CRB1: variants seen among roughly 807,000 people sequenced by gnomAD.
CRB1 encodes protein crumbs homolog 1.
Under a neutral mutation model 120.0 loss-of-function variants are expected in CRB1, and 83 were observed. The ratio of observed to expected loss-of-function variants is 0.69; its 90% confidence interval spans 0.58 to 0.83. The LOEUF (loss-of-function observed/expected upper bound fraction) is 0.83, where lower values mean the gene tolerates loss of function less well. Ranked by LOEUF, CRB1 falls within the 40% of genes least tolerant of loss-of-function variation. The pLI, the probability that CRB1 is intolerant of heterozygous loss-of-function variation, is 0.00. For missense variants in CRB1, 1,699 were observed against 1,687.6 expected (o/e 1.01, Z -0.12); for synonymous variants, 625 against 612.5 (o/e 1.02, Z -0.30).
intron 1 of CRB1, among the ~76,000 whole-genome samples, chr1:197,307,750 G>C (rs576169045): frequency 6.6e-6 from 1 of 152,306 alleles, no homozygotes; most frequent in East Asian, 1.9e-4. Flanking sequence ...GAGGTATTAC[G>C]ATGCAGTAGG....
chr1:197,462,802 G>T (rs76009651), intron 11 of CRB1, among the ~76,000 whole-genome samples: 7,029 of 152,148 alleles, frequency 0.046, 240 homozygotes, highest in Non-Finnish European at 0.07. Flanking sequence ...CTTGTTAACA[G>T]GAATTACAAT....
At chr1:197,255,965 TTATATA>T in the CRB1 span, among the ~76,000 whole-genome samples, 3,171 of 85,328 alleles carry the variant, frequency 0.037, 164 homozygotes, top group African/African-American at 0.099. Flanking sequence ...ATAGAACATT[TTATATA>T]TATATATATA....
chr1:197,211,779 TCAA>T, the CRB1 span, among the ~76,000 whole-genome samples: 1 of 151,016 alleles, frequency 6.6e-6, no homozygotes, highest in African/African-American at 2.4e-5. Context: ...AATTAAAGAA[TCAA>T]CAAATTGAAA....
intron 4 of CRB1, among the ~76,000 whole-genome samples, chr1:197,355,262 G>A (rs1352058872): frequency 6.6e-6 from 1 of 152,208 alleles, no homozygotes; most frequent in African/African-American, 2.4e-5. Context: ...GACACAGGGT[G>A]CTGATTGGTG....
intron 1 of CRB1, among the ~76,000 whole-genome samples, chr1:197,306,135 G>T (rs1657160621): frequency 6.6e-6 from 1 of 152,054 alleles, no homozygotes; most frequent in South Asian, 2.1e-4. Flanking sequence ...AAGCAGGGTA[G>T]GGCACATACA....
At chr1:197,263,807 T>C (rs999884971), upstream of CRB1, among the ~76,000 whole-genome samples, 40 of 152,242 alleles carry the variant, frequency 2.6e-4, no homozygotes, top group Middle Eastern at 6.8e-3. Flanking sequence ...ATCTATCTTC[T>C]GTTTAGTATA....
chr1:197,226,702 T>C, the CRB1 span, among the ~76,000 whole-genome samples: 1 of 152,158 alleles, frequency 6.6e-6, no homozygotes, highest in South Asian at 2.1e-4. Context: ...AGGAAGGCCA[T>C]GTGAGGTTGT....
At chr1:197,405,039 G>A (rs1370693049) in intron 5 of CRB1, among the ~76,000 whole-genome samples, 2 of 143,392 alleles carry the variant, frequency 1.4e-5, no homozygotes, top group Admixed American at 7.0e-5. Context: ...TAATGTGCTC[G>A]CCCTCGCCCT....
intron 1 of CRB1, among the ~76,000 whole-genome samples, chr1:197,286,332 T>C (rs1036178984): frequency 2.0e-5 from 3 of 151,888 alleles, no homozygotes; most frequent in Admixed American, 2.0e-4. Context: ...TCCTGCAATG[T>C]ACCTGTTATC....
chr1:197,240,694 T>C, the CRB1 span, among the ~76,000 whole-genome samples: 1 of 152,206 alleles, frequency 6.6e-6, no homozygotes, highest in East Asian at 1.9e-4. Context: ...TGTGTCTTTA[T>C]AGTAGAATGA....
At position 197,468,408 on chromosome 1, in the gene CRB1, A is replaced by T. The variant is rs78811021; in HGVS notation, c.4006-9256A>T. Among the ~76,000 whole-genome samples, 107 of 151,798 alleles carry T rather than the reference A, an allele frequency of 7.0e-4. No homozygotes were observed. In the East Asian group the frequency reaches 0.02, roughly 28 times the overall value. ...ATATGCTGTCTGAAAGTTTGAAGGC[A>T]TTCGGTAATAATTTGTTGAGTAAGT... On this transcript the variant is annotated intron_variant, in intron 11 of 11. Coordinates refer to ENST00000367400, the MANE Select transcript of CRB1 (RefSeq NM_201253.3).
chr1:197,460,417 G>A (rs917635258), intron 11 of CRB1, among the ~76,000 whole-genome samples: 2 of 152,048 alleles, frequency 1.3e-5, no homozygotes, highest in African/African-American at 4.8e-5. Context: ...GATTAAAAAA[G>A]CAGACCCTTC....
chr1:197,436,770 A>G (rs1027390214), intron 9 of CRB1, among the ~76,000 whole-genome samples: 2 of 152,166 alleles, frequency 1.3e-5, no homozygotes, highest in South Asian at 2.1e-4. Context: ...CAAGATTTTC[A>G]TATTAATATT....
At chr1:197,458,564 A>G (rs143768045) in intron 11 of CRB1, among the ~76,000 whole-genome samples, 16 of 152,178 alleles carry the variant, frequency 1.1e-4, no homozygotes, top group African/African-American at 3.4e-4. Context: ...CTAGGCAGGA[A>G]ATCCAATGTT....
upstream of CRB1, among the ~76,000 whole-genome samples, chr1:197,267,398 A>G (rs1654675692): frequency 6.6e-6 from 1 of 152,202 alleles, no homozygotes; most frequent in African/African-American, 2.4e-5. Flanking sequence ...CTGTCAAAAT[A>G]TTAGAGACAT....
intron 5 of CRB1, among the ~76,000 whole-genome samples, chr1:197,415,588 C>T (rs1663938569): frequency 6.6e-6 from 1 of 151,296 alleles, no homozygotes; most frequent in Admixed American, 6.6e-5. Context: ...TATTTACACA[C>T]ACAAAGACCT....
chr1:197,289,124 AAAAACAAAAGC>A (rs1656013486), intron 1 of CRB1, among the ~76,000 whole-genome samples: 1 of 151,720 alleles, frequency 6.6e-6, no homozygotes, highest in South Asian at 2.1e-4. Flanking sequence ...GACAGACCAA[AAAAACAAAAGC>A]AAAACAAAAC....
chr1:197,421,885 G>C lies in CRB1; in HGVS notation c.2057G>C (p.Arg686Pro), dbSNP rs1281817527. 1.2e-6 allele frequency: 2 copies of C among 1,614,204 alleles called. No homozygotes were observed. ...AGCCAACCTTGTCAAAGCAGAGGAC[G>C]CTGCATCAACTTGTGGCTGAGTTAC... is the stretch of plus-strand genomic sequence containing the variant. ...CESQPCQSRG[R>P]CINLWLSYQC... Residue 686 changes from arginine to proline, a missense_variant, in exon 6 of 12, where the codon CGC becomes CCC. Coordinates refer to ENST00000367400, the MANE Select transcript of CRB1 (RefSeq NM_201253.3).
At chr1:197,258,552 T>G in the CRB1 span, among the ~76,000 whole-genome samples, 1 of 152,194 alleles carries the variant, frequency 6.6e-6, no homozygotes, top group Non-Finnish European at 1.5e-5. Flanking sequence ...GACTTCACTT[T>G]CCTGCAGCAT....
Sources: gnomAD v4.1 joint callset for allele counts (sites outside exome capture counted in the v4.1 genomes callset) on GRCh38, gnomAD v4.1.1 for gene constraint, MANE v1.5 for transcripts, NCBI Gene and HGNC (gene_info 2026-07-23, HGNC 2026-07-21) for gene names.